The following ABHD2 variants were observed in gnomAD, a reference collection of about 807,000 sequenced individuals.
ABHD2 encodes monoacylglycerol lipase ABHD2.
ABHD2 carries 20 observed loss-of-function variants against 48.1 expected under a neutral mutation model. The ratio of observed to expected loss-of-function variants is 0.42; its 90% CI spans 0.29 to 0.60. The LOEUF (loss-of-function observed/expected upper bound fraction) is 0.60, where lower values mean the gene tolerates loss of function less well. Ranked by LOEUF, ABHD2 falls within the 20% of genes least tolerant of loss-of-function variation. The pLI, the probability that ABHD2 is intolerant of heterozygous loss-of-function variation, is 0.24. For synonymous variants in ABHD2, 209 were observed against 214.2 expected, an observed-to-expected ratio of 0.98 and a Z score of 0.21; for missense variants, 405 against 550.9, an observed-to-expected ratio of 0.74 and a Z score of 2.65.
Position 89,191,156 on chromosome 15 carries a change from G to C in ABHD2, c.996+7G>C, listed in dbSNP as rs1356024926. 68 of 1,613,586 alleles carry C rather than the reference G, an allele frequency of 4.2e-5. No homozygotes were observed. Among genetic ancestry groups the C allele is most frequent in the Non-Finnish European group, 5.6e-5 (66 of 1,179,844 alleles). On this transcript the variant is annotated splice_region_variant and intron_variant, in intron 9 of 10. Coordinates refer to ENST00000352732, the MANE Select transcript of ABHD2 (RefSeq NM_152924.5). ...CATGCGGTACCTGCACAGGGTGAGT[G>C]GCCATCACGGGCTCAGAATCAGCAT...
rs2049742965 is a variant in ABHD2 at position 89,104,019 on chromosome 15, T to A, written c.-106-9706T>A. The A allele has an allele frequency of 6.6e-6, 1 of 152,194 alleles. No individual in the cohort carries two copies. Among genetic ancestry groups the A allele is most frequent in the Admixed American group, 6.5e-5 (1 of 15,286 alleles). 9.4% of individuals were successfully genotyped at this position (152,194 alleles called of 1,614,324 possible). On this transcript the variant is annotated intron_variant, in intron 1 of 10. Coordinates refer to ENST00000352732, the MANE Select transcript of ABHD2 (RefSeq NM_152924.5). This position sits in a 1 kb window ranked among gnomAD's most constrained non-coding sequence, Gnocchi z 4.4. The stretch of plus-strand genomic sequence containing the variant: ...CCTTCTGCTCTAAACTGGCAGGAGA[T>A]CCTGTTTCTACTCACAGCGTCCGAG...
At chr15:89,119,278 A>G (rs1567075735) in intron 3 of ABHD2, among the ~76,000 whole-genome samples, 1 of 152,162 alleles carries the variant, frequency 6.6e-6, no homozygotes. Flanking sequence ...CTAAATTCTA[A>G]ACACCCGAGC....
chr15:89,200,364 C>G lies in ABHD2; in HGVS notation c.*4941C>G, dbSNP rs1190768509. ...CTTCCTAGACAGTGCGGCAGCCAGG[C>G]ACAGGCACACCTCACTTCCCAGACA... On this transcript the variant is annotated 3_prime_UTR_variant, in exon 11 of 11. Transcript: ENST00000352732. 6.6e-6 allele frequency: 1 copy of G among 151,850 alleles called. No homozygotes were observed. Among genetic ancestry groups the G allele is most frequent in the Admixed American group, 6.6e-5 (1 of 15,244 alleles). 9.4% of individuals were successfully genotyped at this position (151,850 alleles called of 1,614,324 possible).
chr15:89,121,891 C>G (rs939797559), intron 3 of ABHD2, among the ~76,000 whole-genome samples: 3 of 152,188 alleles, frequency 2.0e-5, no homozygotes, highest in African/African-American at 7.2e-5. Context: ...TGCAGTAGTG[C>G]AATCGTAACT....
Position 89,167,732 on chromosome 15 carries a change from A to G in ABHD2, c.539-8080A>G, listed in dbSNP as rs573679810. On this transcript the variant is annotated intron_variant, in intron 5 of 10. Coordinates refer to ENST00000352732, the MANE Select transcript of ABHD2 (RefSeq NM_152924.5). The surrounding 1 kb of genome is among the most constrained non-coding windows in gnomAD (Gnocchi z 5.5). ...CAGCTATTGTATTCCTGGATGACTCAGCTTTAAGATAGTTTCCCCTTGACT... is the reference window on the plus strand; with the variant it reads ...CAGCTATTGTATTCCTGGATGACTCGGCTTTAAGATAGTTTCCCCTTGACT... Among the ~76,000 whole-genome samples, 1 of 152,322 alleles carries G rather than the reference A, an allele frequency of 6.6e-6. No homozygotes were observed. Among genetic ancestry groups the G allele is most frequent in the South Asian group, 2.1e-4 (1 of 4,816 alleles).
At chr15:89,194,467 C>T (rs2051361471) in intron 10 of ABHD2, among the ~76,000 whole-genome samples, 2 of 152,092 alleles carry the variant, frequency 1.3e-5, no homozygotes, top group Admixed American at 1.3e-4. Context: ...AAAATAAAGT[C>T]AAGCTCTAGG....
chr15:89,094,575 G>T lies in ABHD2; in HGVS notation c.-107+6012G>T, dbSNP rs2049581482. Among the ~76,000 whole-genome samples, 1 of 151,918 alleles carries T rather than the reference G, an allele frequency of 6.6e-6. No homozygotes were observed. The highest frequency in any genetic ancestry group is 2.1e-4 in the South Asian group (1 of 4,814). ...ATACAAAAATTAGCTGAGCATGGTGGTGTGCGCCTGTAGTCCCAGCTACTT... is the reference window on the plus strand; with the variant it reads ...ATACAAAAATTAGCTGAGCATGGTGTTGTGCGCCTGTAGTCCCAGCTACTT... On this transcript the variant is annotated intron_variant, in intron 1 of 10. Coordinates refer to ENST00000352732, the MANE Select transcript of ABHD2 (RefSeq NM_152924.5). The surrounding 1 kb of genome is among the most constrained non-coding windows in gnomAD (Gnocchi z 4.7).
intron 3 of ABHD2, among the ~76,000 whole-genome samples, chr15:89,140,282 C>A (rs1037160431): frequency 6.6e-6 from 1 of 152,140 alleles, no homozygotes; most frequent in Non-Finnish European, 1.5e-5. Context: ...GAGAAGATAG[C>A]CATTCATTTT....
intron 3 of ABHD2, among the ~76,000 whole-genome samples, chr15:89,128,163 A>G (rs1380636772): frequency 1.3e-5 from 2 of 152,202 alleles, no homozygotes; most frequent in African/African-American, 4.8e-5. Flanking sequence ...AATTCAGGTA[A>G]GTGATAAAGG....
chr15:89,152,972 T>A (rs2050617475), intron 4 of ABHD2, among the ~76,000 whole-genome samples: 2 of 152,220 alleles, frequency 1.3e-5, no homozygotes, highest in Non-Finnish European at 2.9e-5. Flanking sequence ...ACTCAGTAGT[T>A]ATTTATGGGT....
intron 8 of ABHD2, among the ~76,000 whole-genome samples, chr15:89,190,417 A>G (rs1486598855): frequency 6.6e-6 from 1 of 152,168 alleles, no homozygotes; most frequent in East Asian, 1.9e-4. Context: ...AGTCAGAGAT[A>G]AAGGGACAGA....
chr15:89,114,478 T>G lies in ABHD2; in HGVS notation c.-7+654T>G, dbSNP rs973104989. On this transcript the variant is annotated intron_variant, in intron 2 of 10. Transcript: ENST00000352732. This position sits in a 1 kb window ranked among gnomAD's most constrained non-coding sequence, Gnocchi z 4.2. ...CACCAGAAGTTAAGTTTTTTTTGTT[T>G]TGTTTTTTGTTTTTGTTTTTTTGAG... Among the ~76,000 whole-genome samples, 1 of 151,984 alleles carries G rather than the reference T, an allele frequency of 6.6e-6. No homozygotes were observed. The highest frequency in any genetic ancestry group is 1.5e-5 in the Non-Finnish European group (1 of 67,984).
Position 89,191,089 on chromosome 15 carries a change from C to T in ABHD2, c.936C>T (p.His312=), listed in dbSNP as rs111401789. Residue 312 remains histidine (H), a synonymous_variant, in exon 9 of 11, where the codon CAC becomes CAT. Transcript: ENST00000352732. Reference sequence around the variant, plus strand: ...TTCTGGTGTGTTGCAGGAAGTTTCACGGCTATAACTCCCTGAAGGAATACT... The same window carrying T: ...TTCTGGTGTGTTGCAGGAAGTTTCATGGCTATAACTCCCTGAAGGAATACT... The part of the protein sequence containing the change: ...QIDDNVMRKF[H]GYNSLKEYYE... 2.2e-3 allele frequency: 3,521 copies of T among 1,613,734 alleles called. 46 individuals are homozygous for T. The African/African-American group carries it at 0.035, about 16-fold the overall frequency.
At chr15:89,123,366 T>G (rs1374386383) in intron 3 of ABHD2, among the ~76,000 whole-genome samples, 1 of 152,220 alleles carries the variant, frequency 6.6e-6, no homozygotes, top group Admixed American at 6.5e-5. Context: ...CATCATAATG[T>G]GTCCAAACCT....
the ABHD2 span, among the ~76,000 whole-genome samples, chr15:89,081,166 ATTTTTTTTT>A: frequency 9.7e-3 from 1,124 of 115,316 alleles, 25 homozygotes; most frequent in African/African-American, 0.038. Flanking sequence ...TGCCCAGCTA[ATTTTTTTTT>A]TTTTTTTTTT....
the ABHD2 span, among the ~76,000 whole-genome samples, chr15:89,073,983 G>T: frequency 3.3e-5 from 5 of 152,206 alleles, no homozygotes; most frequent in Admixed American, 1.3e-4. Flanking sequence ...AGGAGAAAGA[G>T]AAAGGGCTTT....
chr15:89,101,790 A>G (rs1480457397), intron 1 of ABHD2, among the ~76,000 whole-genome samples: 1 of 152,184 alleles, frequency 6.6e-6, no homozygotes, highest in Non-Finnish European at 1.5e-5. Context: ...ATATCTTTGT[A>G]TGGTTCAGCA....
intron 3 of ABHD2, among the ~76,000 whole-genome samples, chr15:89,125,487 G>A (rs1339898463): frequency 1.3e-5 from 2 of 152,100 alleles, no homozygotes. Context: ...CAAACTTTTA[G>A]GCAATTTCAT....
At chr15:89,064,854 A>AGC in the ABHD2 span, among the ~76,000 whole-genome samples, 1 of 152,132 alleles carries the variant, frequency 6.6e-6, no homozygotes, top group African/African-American at 2.4e-5. Flanking sequence ...TGCTAACAAA[A>AGC]TGAACAGTCT....
Sources: gnomAD v4.1 joint callset for allele counts (sites outside exome capture counted in the v4.1 genomes callset) on GRCh38, gnomAD v4.1.1 for gene constraint, Gnocchi (gnomAD v3.1) non-coding constraint, MANE v1.5 for transcripts, NCBI Gene and HGNC (gene_info 2026-07-23, HGNC 2026-07-21) for gene names.